Variants in SIPA1L1 observed in about 807,000 individuals in gnomAD.
The protein encoded by SIPA1L1 is signal induced proliferation associated 1 like 1.
A neutral mutation model predicts 162.7 loss-of-function variants in SIPA1L1; 26 were observed. The ratio of observed to expected loss-of-function variants is 0.16; its 90% CI spans 0.12 to 0.22. The LOEUF is 0.22. Ranked by LOEUF, SIPA1L1 falls within the 10% of genes least tolerant of loss-of-function variation. SIPA1L1 has a pLI of 1.00. For missense variants in SIPA1L1, 1,874 were observed against 2,241.0 expected (o/e 0.84, Z 3.31); for synonymous variants, 829 against 837.4 (o/e 0.99, Z 0.17).
At chr14:71,331,711 A>T (rs548843653) in intron 2 of SIPA1L1, among the ~76,000 whole-genome samples, 23 of 152,162 alleles carry the variant, frequency 1.5e-4, no homozygotes, top group Non-Finnish European at 2.5e-4. Context: ...TTTTTCCTTG[A>T]TGCTGTGTTG....
At chr14:71,645,463 T>G (rs564434271) in intron 7 of SIPA1L1, among the ~76,000 whole-genome samples, 1 of 152,246 alleles carries the variant, frequency 6.6e-6, no homozygotes, top group Non-Finnish European at 1.5e-5. Flanking sequence ...GTTGAACAAG[T>G]GCTTTTCCTT....
At chr14:71,526,408 C>T (rs902061775) in intron 3 of SIPA1L1, among the ~76,000 whole-genome samples, 1 of 152,048 alleles carries the variant, frequency 6.6e-6, no homozygotes, top group Non-Finnish European at 1.5e-5. Flanking sequence ...ATAGTTTTAC[C>T]TATTACTGAA....
intron 4 of SIPA1L1, among the ~76,000 whole-genome samples, chr14:71,530,632 C>T (rs1445291296): frequency 6.6e-6 from 1 of 152,132 alleles, no homozygotes; most frequent in Non-Finnish European, 1.5e-5. Flanking sequence ...TCCATGTTAC[C>T]TCTCCTCAAC....
chr14:71,344,071 G>A (rs1252370746), intron 2 of SIPA1L1, among the ~76,000 whole-genome samples: 1 of 152,102 alleles, frequency 6.6e-6, no homozygotes, highest in Non-Finnish European at 1.5e-5. Context: ...TTTTTTGAAG[G>A]GTCTCTTAGG....
At chr14:71,737,129 ATG>A (rs1197557303) in intron 22 of SIPA1L1, among the ~76,000 whole-genome samples, 4 of 152,182 alleles carry the variant, frequency 2.6e-5, no homozygotes, top group African/African-American at 9.7e-5. Flanking sequence ...ATTGGAGGTC[ATG>A]GTCACTCCAT....
intron 2 of SIPA1L1, among the ~76,000 whole-genome samples, chr14:71,416,749 A>ACACG (rs994571941): frequency 4.0e-5 from 6 of 149,026 alleles, no homozygotes; most frequent in African/African-American, 9.8e-5. Context: ...ACACACACAC[A>ACACG]CACGCATGCA....
At chr14:71,610,736 C>T (rs2148313158) in intron 5 of SIPA1L1, among the ~76,000 whole-genome samples, 1 of 152,118 alleles carries the variant, frequency 6.6e-6, no homozygotes, top group African/African-American at 2.4e-5. Context: ...CATTTAGATG[C>T]AATTTATTAA....
chr14:71,511,071 A>G (rs999198391), intron 2 of SIPA1L1, among the ~76,000 whole-genome samples: 2 of 152,224 alleles, frequency 1.3e-5, no homozygotes, highest in African/African-American at 4.8e-5. Context: ...TCAGTAAACA[A>G]GGGATGCCTT....
At chr14:71,431,736 A>G (rs2044007096) in intron 2 of SIPA1L1, among the ~76,000 whole-genome samples, 1 of 152,116 alleles carries the variant, frequency 6.6e-6, no homozygotes, top group African/African-American at 2.4e-5. Context: ...ATGAAAGCCA[A>G]GTTGGACTTC....
intron 2 of SIPA1L1, among the ~76,000 whole-genome samples, chr14:71,372,207 C>G (rs576790539): frequency 6.6e-6 from 1 of 152,232 alleles, no homozygotes; most frequent in Non-Finnish European, 1.5e-5. Flanking sequence ...CTTGTGCACT[C>G]AGAATTAGTC....
intron 2 of SIPA1L1, among the ~76,000 whole-genome samples, chr14:71,466,691 T>G (rs1288289892): frequency 6.6e-6 from 1 of 152,178 alleles, no homozygotes; most frequent in Non-Finnish European, 1.5e-5. Context: ...TTTGTATGCA[T>G]TATGAACTAA....
chr14:71,566,944 A>C (rs1360059614), intron 4 of SIPA1L1, among the ~76,000 whole-genome samples: 3 of 152,250 alleles, frequency 2.0e-5, no homozygotes, highest in African/African-American at 7.2e-5. Flanking sequence ...TATCCATAGT[A>C]TATAAAGGAA....
At chr14:71,450,292 T>C (rs1009943581) in intron 2 of SIPA1L1, among the ~76,000 whole-genome samples, 24 of 152,188 alleles carry the variant, frequency 1.6e-4, no homozygotes, top group African/African-American at 5.5e-4. Flanking sequence ...ACTGATACAG[T>C]AGATTTAATT....
At chr14:71,702,300 T>C in intron 14 of SIPA1L1, 81 bp from the exon 15 acceptor site, 1 of 1,476,958 alleles carries the variant, frequency 6.8e-7, no homozygotes. Context: ...CATTAAAATT[T>C]AGTTCATTAC....
intron 20 of SIPA1L1, among the ~76,000 whole-genome samples, chr14:71,731,897 C>A (rs1286343509): frequency 1.3e-5 from 2 of 152,208 alleles, no homozygotes; most frequent in African/African-American, 2.4e-5. Context: ...TTGGGCTGAT[C>A]CCTCAGCCCT....
intron 7 of SIPA1L1, among the ~76,000 whole-genome samples, chr14:71,627,054 T>A (rs1476477501): frequency 1.3e-5 from 2 of 151,424 alleles, no homozygotes; most frequent in African/African-American, 4.8e-5. Flanking sequence ...AAACTTATTT[T>A]AGAAAACGAA....
chr14:71,428,133 T>C (rs2043719668), intron 2 of SIPA1L1, among the ~76,000 whole-genome samples: 1 of 151,662 alleles, frequency 6.6e-6, no homozygotes, highest in African/African-American at 2.4e-5. Flanking sequence ...GCTGGGACTA[T>C]AGGTGTGTGC....
At chr14:71,321,399 G>C (rs1371205413) in intron 2 of SIPA1L1, 1 of 152,310 alleles carries the variant, frequency 6.6e-6, no homozygotes, top group South Asian at 2.1e-4. Context: ...ACGCACCCCA[G>C]AACCCGAATC....
rs1242944781 is a variant in SIPA1L1, at chr14:71,588,549, T to C, written c.677T>C (p.Leu226Ser). The stretch of plus-strand genomic sequence containing the variant: ...TCTGGAGAAAGCTTTTTTGATTTGT[T>C]AAAGGGCTACAAAGATGACAAATCT... ...GTSGESFFDLLKGYKDDKSDR... is the reference protein window; with the variant it reads ...GTSGESFFDLSKGYKDDKSDR... The change falls in exon 5 of 24, where the codon TTA becomes TCA. Residue 226 changes from leucine to serine, a missense_variant. This residue lies in a region of SIPA1L1 where 685 missense variants were observed against 828.0 expected (regional missense o/e 0.83). Coordinates refer to ENST00000381232, the MANE Select transcript of SIPA1L1 (RefSeq NM_001386936.1). The surrounding 1 kb of genome is among the most constrained non-coding windows in gnomAD (Gnocchi z 4.3). The C allele has an allele frequency of 6.2e-7, 1 of 1,614,082 alleles. No homozygotes were observed. The highest frequency in any genetic ancestry group is 1.1e-5 in the South Asian group (1 of 91,086).
Sources: allele counts gnomAD v4.1 joint callset (sites outside exome capture counted in the v4.1 genomes callset), GRCh38; gene constraint gnomAD v4.1.1; regional missense constraint gnomAD v4.1.1; non-coding constraint Gnocchi (gnomAD v3.1); transcripts MANE v1.5; gene names NCBI Gene and HGNC (gene_info 2026-07-23, HGNC 2026-07-21).